The following ASTN2 variants were observed in gnomAD, a reference collection of about 807,000 sequenced individuals.
ASTN2 encodes astrotactin-2.
ASTN2 carries 54 observed loss-of-function variants against 139.8 expected under a neutral mutation model. The ratio of observed to expected loss-of-function variants is 0.39; its 90% CI spans 0.31 to 0.48. The LOEUF is 0.48. ASTN2 is among the 20% of genes least tolerant of loss of function. The pLI is 0.95. For synonymous variants in ASTN2, 756 were observed against 719.5 expected, an observed-to-expected ratio of 1.05 and a Z score of -0.81; for missense variants, 1,565 against 1,725.1, an observed-to-expected ratio of 0.91 and a Z score of 1.64.
At chr9:116,608,072 T>A (rs946970750) in intron 19 of ASTN2, among the ~76,000 whole-genome samples, 1 of 152,208 alleles carries the variant, frequency 6.6e-6, no homozygotes, top group African/African-American at 2.4e-5. Context: ...CTAAAATTTC[T>A]CTTTGCCTTT....
At chr9:117,191,960 G>A (rs1213680512) in intron 3 of ASTN2, among the ~76,000 whole-genome samples, 1 of 152,174 alleles carries the variant, frequency 6.6e-6, no homozygotes, top group Non-Finnish European at 1.5e-5. Context: ...GGGAGGAGGG[G>A]AAGAGCAAAT....
At chr9:116,735,804 C>T (rs1025348086) in intron 13 of ASTN2, among the ~76,000 whole-genome samples, 18 of 152,236 alleles carry the variant, frequency 1.2e-4, no homozygotes, top group Admixed American at 1.0e-3. Context: ...GAGGACTGGG[C>T]TCCAGTTCTG....
At chr9:116,644,758 G>T (rs979177173) in intron 17 of ASTN2, among the ~76,000 whole-genome samples, 8 of 152,132 alleles carry the variant, frequency 5.3e-5, no homozygotes, top group African/African-American at 1.7e-4. Context: ...TAAATTTAAG[G>T]AGTAAAATTG....
chr9:117,152,057 C>A (rs944720133), intron 3 of ASTN2, among the ~76,000 whole-genome samples: 3 of 152,116 alleles, frequency 2.0e-5, no homozygotes, highest in Non-Finnish European at 4.4e-5. Flanking sequence ...ATTCTTTAAG[C>A]CTCAGTTCCT....
intron 4 of ASTN2, among the ~76,000 whole-genome samples, chr9:117,100,177 A>T (rs955332103): frequency 3.3e-5 from 5 of 152,198 alleles, no homozygotes; most frequent in African/African-American, 1.2e-4. Flanking sequence ...ATGTCCAGGC[A>T]CAGTGACCAC....
At chr9:116,459,885 G>A (rs1189852432) in intron 20 of ASTN2, among the ~76,000 whole-genome samples, 1 of 152,022 alleles carries the variant, frequency 6.6e-6, no homozygotes, top group African/African-American at 2.4e-5. Context: ...ATATGACCCA[G>A]CAATTCCATT....
At chr9:116,514,544 A>G (rs1174970703) in intron 19 of ASTN2, among the ~76,000 whole-genome samples, 1 of 152,172 alleles carries the variant, frequency 6.6e-6, no homozygotes, top group Non-Finnish European at 1.5e-5. Context: ...TCAGACAGGG[A>G]CATTTAAGTA....
At chr9:116,659,193 T>G (rs1466061467) in intron 16 of ASTN2, among the ~76,000 whole-genome samples, 1 of 151,220 alleles carries the variant, frequency 6.6e-6, no homozygotes, top group Non-Finnish European at 1.5e-5. Flanking sequence ...ATTATTTGAT[T>G]TAATATAATA....
chr9:117,134,403 A>C (rs972497940), intron 4 of ASTN2, among the ~76,000 whole-genome samples: 4 of 150,704 alleles, frequency 2.7e-5, no homozygotes, highest in Non-Finnish European at 5.9e-5. Flanking sequence ...CTTATCTATC[A>C]AGAAGGATAA....
chr9:116,699,765 G>A lies in ASTN2; in HGVS notation c.2806+26006C>T. 6.2e-7 allele frequency: 1 copy of A among 1,611,190 alleles called. No homozygotes were observed. Among genetic ancestry groups the A allele is most frequent in the East Asian group, 2.2e-5 (1 of 44,862 alleles). ...CCAACTTCCCTTCCCTTAGTTCTTG[G>A]TTGTTAGTGGCACATGCAGAATAGA... On this transcript the variant is annotated intron_variant, in intron 16 of 22. Coordinates refer to ENST00000313400, the MANE Select transcript of ASTN2 (RefSeq NM_001365068.1). This position sits in a 1 kb window ranked among gnomAD's most constrained non-coding sequence, Gnocchi z 4.2.
chr9:117,047,180 G>A lies in ASTN2; in HGVS notation c.1277-7215C>T, dbSNP rs550117028. Among the ~76,000 whole-genome samples, 17 of 152,322 alleles carry A rather than the reference G, an allele frequency of 1.1e-4. 1 individual carries two copies. Among genetic ancestry groups the A allele is most frequent in the African/African-American group, 4.1e-4 (17 of 41,568 alleles). On this transcript the variant is annotated intron_variant, in intron 5 of 22. Coordinates refer to ENST00000313400, the MANE Select transcript of ASTN2 (RefSeq NM_001365068.1). ...TGACAAGTGCAAGTGTCATACTGGAGGCAGAAAGAAAGAATATTTTAAACT... is the reference window on the plus strand; with the variant it reads ...TGACAAGTGCAAGTGTCATACTGGAAGCAGAAAGAAAGAATATTTTAAACT...
chr9:117,066,776 A>T (rs1268421205), intron 5 of ASTN2, among the ~76,000 whole-genome samples: 1 of 151,644 alleles, frequency 6.6e-6, no homozygotes, highest in Non-Finnish European at 1.5e-5. Flanking sequence ...GCATTTTTTC[A>T]TGTGTTTTTT....
chr9:116,974,210 C>T (rs1022471367), intron 10 of ASTN2, among the ~76,000 whole-genome samples: 1 of 152,146 alleles, frequency 6.6e-6, no homozygotes, highest in Non-Finnish European at 1.5e-5. Context: ...ATAAATCCTC[C>T]ACTGGAAAGC....
intron 10 of ASTN2, among the ~76,000 whole-genome samples, chr9:116,889,476 C>G (rs545291199): frequency 6.6e-6 from 1 of 152,190 alleles, no homozygotes; most frequent in East Asian, 1.9e-4. Context: ...TCTAATGAGG[C>G]CAATCCCACT....
At chr9:117,260,928 C>T (rs947977585) in intron 2 of ASTN2, among the ~76,000 whole-genome samples, 1 of 152,164 alleles carries the variant, frequency 6.6e-6, no homozygotes, top group Non-Finnish European at 1.5e-5. Flanking sequence ...AAGTATGCTA[C>T]ACAAATACTC....
intron 19 of ASTN2, among the ~76,000 whole-genome samples, chr9:116,492,094 T>G (rs1390107990): frequency 1.3e-5 from 2 of 151,958 alleles, no homozygotes; most frequent in Non-Finnish European, 2.9e-5. Flanking sequence ...TCTTTTTTTT[T>G]TTTTTGAGAA....
chr9:116,741,463 C>A (rs10983334), intron 13 of ASTN2, among the ~76,000 whole-genome samples: 33,045 of 152,036 alleles, frequency 0.22, 4,355 homozygotes, highest in South Asian at 0.33. Flanking sequence ...GGACATATTC[C>A]CTGGTGTACA....
intron 11 of ASTN2, among the ~76,000 whole-genome samples, chr9:116,847,127 T>C (rs1371141061): frequency 6.6e-6 from 1 of 152,128 alleles, no homozygotes; most frequent in East Asian, 1.9e-4. Context: ...TGTTTTGTTT[T>C]GTTTTTTGAG....
Position 117,096,080 on chromosome 9 carries a change from A to G in ASTN2, c.1240T>C (p.Tyr414His), listed in dbSNP as rs1828834004. ...CGGCGACTGCGGTACTGCTCCGTGT[A>G]GAATGTCAGCTGAGTTTCATCGTCT... Reference protein sequence around the residue: ...EADDETQLTFYTEQYRSRRRS... With the variant: ...EADDETQLTFHTEQYRSRRRS... Residue 414 changes from tyrosine to histidine, a missense_variant, in exon 5 of 23, where the codon TAC becomes CAC. Physicochemically the swap from Tyr to His is moderately conservative, Grantham distance 83 (BLOSUM62 2). This residue lies in a region of ASTN2 where 596 missense variants were observed against 576.8 expected (regional missense o/e 1.03). Coordinates refer to ENST00000313400, the MANE Select transcript of ASTN2 (RefSeq NM_001365068.1). 6.2e-7 allele frequency: 1 copy of G among 1,613,988 alleles called. No homozygotes were observed. The highest frequency in any genetic ancestry group is 8.5e-7 in the Non-Finnish European group (1 of 1,180,002).
Sources: allele counts gnomAD v4.1 joint callset (sites outside exome capture counted in the v4.1 genomes callset), GRCh38; gene constraint gnomAD v4.1.1; regional missense constraint gnomAD v4.1.1; non-coding constraint Gnocchi (gnomAD v3.1); transcripts MANE v1.5; gene names NCBI Gene and HGNC (gene_info 2026-07-23, HGNC 2026-07-21).